The following BEND7 variants were observed in gnomAD, a reference collection of about 807,000 sequenced individuals.
BEND7 encodes BEN domain-containing protein 7.
In BEND7, 28 loss-of-function variants were observed where a neutral mutation model predicts 50.9. The ratio of observed to expected loss-of-function variants is 0.55; its 90% CI spans 0.41 to 0.75. The LOEUF (loss-of-function observed/expected upper bound fraction) is 0.75. BEND7 is among the 30% of genes least tolerant of loss of function. The pLI is 0.00. For missense variants in BEND7, 477 were observed against 491.3 expected (o/e 0.97, Z 0.28); for synonymous variants, 170 against 183.9 (o/e 0.92, Z 0.61).
chr10:13,487,407 G>T (rs1220975232), intron 5 of BEND7, among the ~76,000 whole-genome samples: 2 of 116,928 alleles, frequency 1.7e-5, no homozygotes, highest in African/African-American at 3.5e-5. Context: ...TTTTTTTTGA[G>T]ACGGAGTCTT....
At chr10:13,490,089 G>A (rs2076539319) in intron 5 of BEND7, among the ~76,000 whole-genome samples, 1 of 152,190 alleles carries the variant, frequency 6.6e-6, no homozygotes, top group South Asian at 2.1e-4. Flanking sequence ...GAAGACAGTG[G>A]CTGATCTGCC....
chr10:13,484,812 A>T (rs1457569223), intron 5 of BEND7, among the ~76,000 whole-genome samples: 1 of 152,222 alleles, frequency 6.6e-6, no homozygotes, highest in East Asian at 1.9e-4. Flanking sequence ...TTGGATTTTC[A>T]TCTATGTCCT....
chr10:13,446,552 T>C (rs1050328119), intron 8 of BEND7: 2 of 152,232 alleles, frequency 1.3e-5, no homozygotes, highest in African/African-American at 4.8e-5. Context: ...CTGTGACCAA[T>C]GGAGGGGATA....
At chr10:13,526,866 GA>G (rs1193033960) in intron 1 of BEND7, among the ~76,000 whole-genome samples, 1 of 151,860 alleles carries the variant, frequency 6.6e-6, no homozygotes, top group Non-Finnish European at 1.5e-5. Context: ...ATAATTAAAA[GA>G]AAAAGAAAAA....
intron 2 of BEND7, among the ~76,000 whole-genome samples, chr10:13,508,410 C>T (rs1025309193): frequency 1.4e-4 from 21 of 152,174 alleles, no homozygotes; most frequent in African/African-American, 4.3e-4. Flanking sequence ...CGCCAGAACC[C>T]GATTCCTGAA....
Position 13,441,757 on chromosome 10 carries a change from A to G in BEND7, c.1235-7T>C, listed in dbSNP as rs1373222334. ...GCAGTCCTTCATCAGACCACTTGAG[A>G]AAACAAAGGGACTGTTGTCAGGAAC... On this transcript the variant is annotated splice_polypyrimidine_tract_variant and splice_region_variant and intron_variant, in intron 8 of 8. Transcript: ENST00000466271. 2 of 1,613,832 alleles carry G rather than the reference A, an allele frequency of 1.2e-6. No individual in the cohort carries two copies. Among genetic ancestry groups the G allele is most frequent in the East Asian group, 2.2e-5 (1 of 44,896 alleles).
At chr10:13,528,415 C>T in intron 1 of BEND7, 58 bp downstream of exon 1, 3 of 866,724 alleles carry the variant, frequency 3.5e-6, no homozygotes, top group South Asian at 1.0e-4. Context: ...TGGACCCCCG[C>T]GGGCGGCCGA....
At position 13,527,004 on chromosome 10, in the gene BEND7, G is replaced by C. The variant is rs117934281; in HGVS notation, c.62-783C>G. Among the ~76,000 whole-genome samples, 1,495 of 152,340 alleles carry C rather than the reference G, an allele frequency of 9.8e-3. 6 individuals are homozygous for C. The highest frequency in any genetic ancestry group is 0.016 in the Non-Finnish European group (1,107 of 68,022). On this transcript the variant is annotated intron_variant, in intron 1 of 8. Coordinates refer to ENST00000466271, the MANE Select transcript of BEND7 (RefSeq NM_001369863.1). Reference sequence around the variant, plus strand: ...GCAGGGTCACTAAGGCATGAAAATAGAGGTTCCTCCTTAACACCTAGTCCC... The same window carrying C: ...GCAGGGTCACTAAGGCATGAAAATACAGGTTCCTCCTTAACACCTAGTCCC...
chr10:13,499,334 G>A (rs1277930506), intron 3 of BEND7, among the ~76,000 whole-genome samples: 2 of 150,164 alleles, frequency 1.3e-5, no homozygotes, highest in South Asian at 2.1e-4. Context: ...ACCCCTGTCC[G>A]CCCCCGCCTT....
chr10:13,528,310 C>A lies in BEND7; in HGVS notation c.61+163G>T, dbSNP rs565151827. Among the ~76,000 whole-genome samples, 358 of 151,732 alleles carry A rather than the reference C, an allele frequency of 2.4e-3. 1 individual carries two copies. The highest frequency in any genetic ancestry group is 8.5e-3 in the African/African-American group (351 of 41,488). On this transcript the variant is annotated intron_variant, in intron 1 of 8. Transcript: ENST00000466271. ...CCCCCCGCACAACTTTCCCCGCCGC[C>A]CGGCGTGTGCGGCCGCGGCCCTGCC... is the stretch of plus-strand genomic sequence containing the variant.
intron 6 of BEND7, among the ~76,000 whole-genome samples, chr10:13,467,064 C>G (rs575421155): frequency 6.6e-6 from 1 of 152,086 alleles, no homozygotes; most frequent in Non-Finnish European, 1.5e-5. Flanking sequence ...CCGTGGACAC[C>G]GGGGGAAGAT....
In BEND7 at chr10:13,500,093, G is replaced by C. The variant is rs1221606775; in HGVS notation, c.146-13C>G. 1.3e-6 allele frequency: 2 copies of C among 1,560,750 alleles called. No homozygotes were observed. The highest frequency in any genetic ancestry group is 2.4e-5 in the South Asian group (2 of 85,050). Reference sequence around the variant, plus strand: ...ATGCTTTCATCTCCTAATGGAAACAGGGCCAAAGTTAGCACTCTAAATTAG... The same window carrying C: ...ATGCTTTCATCTCCTAATGGAAACACGGCCAAAGTTAGCACTCTAAATTAG... On this transcript the variant is annotated splice_polypyrimidine_tract_variant and intron_variant, in intron 2 of 8. Coordinates refer to ENST00000466271, the MANE Select transcript of BEND7 (RefSeq NM_001369863.1).
chr10:13,474,105 G>C (rs975639799), intron 6 of BEND7, among the ~76,000 whole-genome samples: 1 of 151,566 alleles, frequency 6.6e-6, no homozygotes, highest in Non-Finnish European at 1.5e-5. Flanking sequence ...ACCTGTCATT[G>C]CTGTTAGACT....
chr10:13,442,701 T>A (rs12569529), intron 8 of BEND7: 2 of 152,140 alleles, frequency 1.3e-5, no homozygotes, highest in Non-Finnish European at 2.9e-5. Flanking sequence ...GTAGATAATT[T>A]ACTGGTTTTC....
intron 7 of BEND7, among the ~76,000 whole-genome samples, chr10:13,452,052 A>C (rs1837868029): frequency 6.6e-6 from 1 of 152,032 alleles, no homozygotes; most frequent in African/African-American, 2.4e-5. Context: ...TTTTAAACCC[A>C]CACACACAAC....
At position 13,513,820 on chromosome 10, in the gene BEND7, C is replaced by T. The variant is rs533356159; in HGVS notation, c.145+12318G>A. ...GAGAGGCTGGGCCTCCTTGCTGTTG[C>T]TCCAGCCCTGGCTCCTGCCACATTT... is the stretch of plus-strand genomic sequence containing the variant. On this transcript the variant is annotated intron_variant, in intron 2 of 8. Transcript: ENST00000466271. Among the ~76,000 whole-genome samples, 346 of 152,364 alleles carry T rather than the reference C, an allele frequency of 2.3e-3. 3 individuals are homozygous for T. The highest frequency in any genetic ancestry group is 6.4e-3 in the African/African-American group (265 of 41,582).
At chr10:13,502,071 A>ATG (rs2077515786) in intron 2 of BEND7, among the ~76,000 whole-genome samples, 2 of 152,106 alleles carry the variant, frequency 1.3e-5, no homozygotes, top group South Asian at 4.2e-4. Context: ...ATGTATATAT[A>ATG]TATATGGATC....
At chr10:13,482,673 T>C (rs1273088044) in intron 5 of BEND7, among the ~76,000 whole-genome samples, 1 of 152,242 alleles carries the variant, frequency 6.6e-6, no homozygotes, top group Admixed American at 6.5e-5. Context: ...CTCACACTTC[T>C]GCTTCACTTT....
Position 13,499,887 on chromosome 10 carries a change from T to C in BEND7, c.339A>G (p.Ser113=). The C allele has an allele frequency of 1.2e-6, 2 of 1,614,166 alleles. No individual in the cohort carries two copies. The highest frequency in any genetic ancestry group is 1.7e-6 in the Non-Finnish European group (2 of 1,180,024). The change falls in exon 3 of 9, where the codon TCA becomes TCG. Residue 113 remains serine, a synonymous_variant. Coordinates refer to ENST00000466271, the MANE Select transcript of BEND7 (RefSeq NM_001369863.1). The part of the protein sequence containing the change: ...AEAPQSLHPS[S]RGVWNELPPQ... ...GCGGTAGCTCATTCCACACACCACG[T>C]GAAGACGGGTGGAGGCTTTGCGGGG... is the stretch of plus-strand genomic sequence containing the variant.
Sources: allele counts gnomAD v4.1 joint callset (sites outside exome capture counted in the v4.1 genomes callset), GRCh38; gene constraint gnomAD v4.1.1; transcripts MANE v1.5; gene names NCBI Gene and HGNC (gene_info 2026-07-23, HGNC 2026-07-21).